HNF4A: variants seen among roughly 807,000 people sequenced by gnomAD.
HNF4A encodes hepatocyte nuclear factor 4 alpha, also known as hepatocyte nuclear factor 4-alpha.
HNF4A carries 15 observed loss-of-function variants against 52.4 expected under a neutral mutation model. That is an observed-to-expected ratio of 0.29 (90% confidence interval 0.19 to 0.44). The LOEUF (loss-of-function observed/expected upper bound fraction) is 0.44. Among genes scored for constraint, HNF4A ranks in the 20% least tolerant of loss-of-function variants. The pLI is 1.00. For synonymous variants in HNF4A, 280 were observed against 264.4 expected (o/e 1.06, Z -0.57); for missense variants, 479 against 647.2 (o/e 0.74, Z 2.82).
chr20:44,380,669 C>T (rs2063142508), intron 1 of HNF4A, among the ~76,000 whole-genome samples: 1 of 152,092 alleles, frequency 6.6e-6, no homozygotes, highest in Non-Finnish European at 1.5e-5. Flanking sequence ...GACATTAACC[C>T]CTTATCAGAT....
chr20:44,405,842 C>T lies in HNF4A; in HGVS notation c.116-216C>T, dbSNP rs145895048. On this transcript the variant is annotated intron_variant, in intron 1 of 9. Coordinates refer to ENST00000316099, the MANE Select transcript of HNF4A (RefSeq NM_000457.6). ...TCCACCACAGGAAGACGCAGACCCT[C>T]AGAAACAAGTCTGTGAAGTCACAAC... 5.0e-3 allele frequency among the ~76,000 whole-genome samples: 757 copies of T among 152,268 alleles called. 2 individuals are homozygous for T. Among genetic ancestry groups the T allele is most frequent in the African/African-American group, 0.017 (722 of 41,546 alleles).
At chr20:44,370,990 A>C (rs6103716) in intron 1 of HNF4A, among the ~76,000 whole-genome samples, 57,014 of 152,058 alleles carry the variant, frequency 0.37, 11,075 homozygotes, top group East Asian at 0.52. Context: ...GAAAGTTGTC[A>C]AAACAGGCAT....
At chr20:44,378,567 C>T (rs781318228) in intron 1 of HNF4A, among the ~76,000 whole-genome samples, 1 of 151,964 alleles carries the variant, frequency 6.6e-6, no homozygotes, top group East Asian at 1.9e-4. Flanking sequence ...CACGCCCAGC[C>T]GACCATTTTT....
rs1303192458 is a variant in HNF4A, at chr20:44,430,898, G to C, written c.*1233G>C. 1 of 152,262 alleles carries C rather than the reference G, an allele frequency of 6.6e-6. No individual in the cohort carries two copies. The highest frequency in any genetic ancestry group is 2.1e-4 in the South Asian group (1 of 4,818). The allele number at this position is 152,262 out of a possible 1,614,324, so 9.4% of individuals were successfully genotyped here. A position where few individuals can be genotyped will look rare whatever the true frequency, so the allele number is the denominator to read the frequency against. Reference sequence around the variant, plus strand: ...AATAAGCTCCCAGGGCCTGTCTCAAGCTCTTCCTTACTCCCAGGCACTGTC... The same window carrying C: ...AATAAGCTCCCAGGGCCTGTCTCAACCTCTTCCTTACTCCCAGGCACTGTC... On this transcript the variant is annotated 3_prime_UTR_variant, in exon 10 of 10. Coordinates refer to ENST00000316099, the MANE Select transcript of HNF4A (RefSeq NM_000457.6).
At chr20:44,361,480 T>G (rs1444331724) in intron 1 of HNF4A, among the ~76,000 whole-genome samples, 1 of 152,182 alleles carries the variant, frequency 6.6e-6, no homozygotes, top group Non-Finnish European at 1.5e-5. Flanking sequence ...AGACATTTTG[T>G]AAGGCACTGG....
intron 1 of HNF4A, among the ~76,000 whole-genome samples, chr20:44,394,472 G>A (rs989270764): frequency 1.3e-5 from 2 of 152,262 alleles, no homozygotes; most frequent in East Asian, 3.9e-4. Flanking sequence ...TGGCTCCTGG[G>A]AGCCTCGGAA....
Position 44,428,460 on chromosome 20 carries a change from G to T in HNF4A, c.1255G>T (p.Glu419Ter). The change falls in exon 9 of 10, where the codon GAG (glutamate) becomes TAG (stop). Residue 419 changes from glutamate to a stop codon, truncating the protein, a stop_gained. Transcript: ENST00000316099. LOFTEE classifies it high-confidence loss of function. ...TCACCTCAGCAACGGACAGATGTGT[G>T]AGTGGCCCCGACCCAGGGGACAGGC... 1 of 1,614,172 alleles carries T rather than the reference G, an allele frequency of 6.2e-7. No individual in the cohort carries two copies.
intron 1 of HNF4A, among the ~76,000 whole-genome samples, chr20:44,388,859 C>G (rs1471651579): frequency 6.6e-6 from 1 of 152,220 alleles, no homozygotes; most frequent in Non-Finnish European, 1.5e-5. Flanking sequence ...AGCTGCGGCC[C>G]GGGTGGCCAC....
rs1206963612 is a variant in HNF4A, at chr20:44,418,591, C to T, written c.736+79C>T. ...GCACTCACCCAGGCAAGGAGATTCA[C>T]ATGGTGGCATGCAAGGGTGAGGGAG... On this transcript the variant is annotated intron_variant, in intron 6 of 9. Transcript: ENST00000316099. 7 of 1,068,336 alleles carry T rather than the reference C, an allele frequency of 6.6e-6. No individual in the cohort carries two copies. In the East Asian group the frequency reaches 1.4e-4, roughly 22 times the overall value. The allele number at this position is 1,068,336 out of a possible 1,614,324, so 66.2% of individuals were successfully genotyped here.
At chr20:44,417,549 G>A (rs541951864) in intron 5 of HNF4A, among the ~76,000 whole-genome samples, 1 of 152,264 alleles carries the variant, frequency 6.6e-6, no homozygotes, top group South Asian at 2.1e-4. Flanking sequence ...GATCCCTGGA[G>A]GGATCTGCCA....
At chr20:44,363,607 C>T (rs2062940042) in intron 1 of HNF4A, among the ~76,000 whole-genome samples, 1 of 151,948 alleles carries the variant, frequency 6.6e-6, no homozygotes, top group African/African-American at 2.4e-5. Flanking sequence ...GGGGACAGAC[C>T]TATCCTCATC....
At chr20:44,384,958 G>A (rs2063201173) in intron 1 of HNF4A, among the ~76,000 whole-genome samples, 1 of 149,870 alleles carries the variant, frequency 6.7e-6, no homozygotes, top group African/African-American at 2.5e-5. Flanking sequence ...ACATTATTCT[G>A]ATGAGCAGAC....
intron 1 of HNF4A, among the ~76,000 whole-genome samples, chr20:44,402,912 C>T (rs2063431240): frequency 1.3e-5 from 2 of 152,126 alleles, no homozygotes; most frequent in Admixed American, 1.3e-4. Context: ...CCCTGCCGTC[C>T]AGTCACGTGT....
At chr20:44,355,929 G>C (rs2062852471) in intron 1 of HNF4A, 76 bp downstream of exon 1, 2 of 1,315,756 alleles carry the variant, frequency 1.5e-6, no homozygotes, top group Admixed American at 2.0e-5. Context: ...ACCTCCCCGT[G>C]TGTTTCTTAC....
At chr20:44,370,565 G>A (rs747950170) in intron 1 of HNF4A, among the ~76,000 whole-genome samples, 4 of 152,148 alleles carry the variant, frequency 2.6e-5, no homozygotes, top group Admixed American at 6.5e-5. Flanking sequence ...CCTCTACAGC[G>A]CTGAAATTAC....
chr20:44,384,472 C>T (rs995648776), intron 1 of HNF4A: 1 of 152,004 alleles, frequency 6.6e-6, no homozygotes, highest in African/African-American at 2.4e-5. Context: ...CTTGCAACCA[C>T]AAAAAAACCC....
downstream of HNF4A, chr20:44,433,417 A>G: frequency 6.5e-6 from 1 of 152,992 alleles, no homozygotes; most frequent in South Asian, 2.0e-4. Flanking sequence ...ACAGTGGCTC[A>G]CCTCTGTAAT....
chr20:44,413,888 C>A, intron 4 of HNF4A, 88 bp downstream of exon 4: 1 of 879,594 alleles, frequency 1.1e-6, no homozygotes, highest in East Asian at 2.6e-5. Flanking sequence ...CCAGCCAGGC[C>A]CTGGAGCAGC....
intron 1 of HNF4A, chr20:44,402,573 T>G (rs1402632426): frequency 1.5e-6 from 2 of 1,365,698 alleles, no homozygotes; most frequent in African/African-American, 3.0e-5. Flanking sequence ...CCGCTGCGTC[T>G]CGCCAGATTG....
Sources: gnomAD v4.1 joint callset for allele counts (sites outside exome capture counted in the v4.1 genomes callset) on GRCh38, gnomAD v4.1.1 for gene constraint, MANE v1.5 for transcripts, NCBI Gene and HGNC (gene_info 2026-07-23, HGNC 2026-07-21) for gene names.